Variants in PLPPR5 observed in about 807,000 individuals in gnomAD.
PLPPR5 encodes phospholipid phosphatase related 5, also known as phospholipid phosphatase-related protein type 5.
PLPPR5 carries 16 observed loss-of-function variants against 33.9 expected under a neutral mutation model. The ratio of observed to expected loss-of-function variants is 0.47; its 90% CI spans 0.32 to 0.72. PLPPR5 has a LOEUF of 0.72. PLPPR5 is among the 30% of genes least tolerant of loss of function. PLPPR5 has a pLI of 0.03. For missense variants in PLPPR5, 301 were observed against 406.7 expected (o/e 0.74, Z 2.23); for synonymous variants, 163 against 150.3 (o/e 1.08, Z -0.62).
chr1:98,994,195 G>T (rs1156516982), intron 1 of PLPPR5, among the ~76,000 whole-genome samples: 3 of 151,702 alleles, frequency 2.0e-5, no homozygotes, highest in African/African-American at 4.8e-5. Context: ...AGAGAGGGAG[G>T]GAGAAAGGAA....
At chr1:98,963,347 A>G (rs1288031746) in intron 1 of PLPPR5, among the ~76,000 whole-genome samples, 1 of 152,232 alleles carries the variant, frequency 6.6e-6, no homozygotes, top group African/African-American at 2.4e-5. Flanking sequence ...AAGTATCAGT[A>G]ACATCTGTGT....
intron 3 of PLPPR5, among the ~76,000 whole-genome samples, chr1:98,928,856 G>C (rs2101172568): frequency 6.6e-6 from 1 of 151,836 alleles, no homozygotes; most frequent in Non-Finnish European, 1.5e-5. Flanking sequence ...ATGGTAAACA[G>C]TGCAATAAAA....
chr1:98,922,175 A>C (rs1649581486), intron 3 of PLPPR5, 117 bp from the exon 4 acceptor site: 1 of 896,370 alleles, frequency 1.1e-6, no homozygotes, highest in East Asian at 2.9e-5. Flanking sequence ...GTATGATTCA[A>C]ATCATTAACT....
chr1:98,910,413 T>C (rs191222803), intron 5 of PLPPR5, among the ~76,000 whole-genome samples: 9 of 152,156 alleles, frequency 5.9e-5, no homozygotes, highest in Non-Finnish European at 1.0e-4. Flanking sequence ...GAAGTTTAAG[T>C]AGAATGAAGT....
intron 5 of PLPPR5, among the ~76,000 whole-genome samples, chr1:98,912,772 G>A (rs771248831): frequency 6.6e-6 from 1 of 152,120 alleles, no homozygotes; most frequent in Non-Finnish European, 1.5e-5. Flanking sequence ...TTGCTGTGAG[G>A]ACTGAAATTG....
chr1:98,893,694 A>C (rs180790020), intron 5 of PLPPR5, among the ~76,000 whole-genome samples: 1 of 149,352 alleles, frequency 6.7e-6, no homozygotes, highest in East Asian at 2.0e-4. Context: ...CTAACATTTA[A>C]ATAGATTCAG....
chr1:98,924,035 T>C (rs2101165423), intron 3 of PLPPR5, among the ~76,000 whole-genome samples: 1 of 152,352 alleles, frequency 6.6e-6, no homozygotes. Flanking sequence ...TGCATTTCTT[T>C]ACATCTGTTA....
intron 3 of PLPPR5, among the ~76,000 whole-genome samples, chr1:98,943,639 G>A (rs1368843949): frequency 9.9e-5 from 15 of 151,970 alleles, no homozygotes; most frequent in Admixed American, 9.8e-4. Context: ...ACTTATTAGG[G>A]GAATTTAATT....
At chr1:98,961,938 C>T (rs914399790) in intron 1 of PLPPR5, among the ~76,000 whole-genome samples, 1 of 152,142 alleles carries the variant, frequency 6.6e-6, no homozygotes, top group African/African-American at 2.4e-5. Flanking sequence ...TCCCCTAAAC[C>T]CCAGATGCAG....
At chr1:98,965,424 C>T (rs1166462201) in intron 1 of PLPPR5, among the ~76,000 whole-genome samples, 3 of 152,212 alleles carry the variant, frequency 2.0e-5, no homozygotes, top group Non-Finnish European at 4.4e-5. Flanking sequence ...CTGCTCCTTC[C>T]TAATGACGCA....
At chr1:98,929,543 A>G (rs1395360068) in intron 3 of PLPPR5, among the ~76,000 whole-genome samples, 1 of 152,200 alleles carries the variant, frequency 6.6e-6, no homozygotes, top group Non-Finnish European at 1.5e-5. Flanking sequence ...AATGTGATGT[A>G]AGTAACAACA....
At chr1:98,939,183 A>C (rs1650286679) in intron 3 of PLPPR5, among the ~76,000 whole-genome samples, 1 of 151,752 alleles carries the variant, frequency 6.6e-6, no homozygotes, top group African/African-American at 2.4e-5. Flanking sequence ...CATATATAGT[A>C]TATTTTAAAA....
At chr1:98,919,188 G>A (rs907580757) in intron 4 of PLPPR5, among the ~76,000 whole-genome samples, 2 of 152,156 alleles carry the variant, frequency 1.3e-5, no homozygotes, top group African/African-American at 2.4e-5. Context: ...AAGCAATAAT[G>A]TCTACAATTC....
intron 1 of PLPPR5, among the ~76,000 whole-genome samples, chr1:98,985,874 C>A (rs923639502): frequency 3.9e-5 from 6 of 151,978 alleles, no homozygotes; most frequent in African/African-American, 7.2e-5. Flanking sequence ...GACAAAATCA[C>A]CTAACAATAC....
intron 4 of PLPPR5, among the ~76,000 whole-genome samples, chr1:98,916,990 C>G (rs138051465): frequency 5.3e-4 from 81 of 152,212 alleles, no homozygotes; most frequent in African/African-American, 1.9e-3. Context: ...GAAGAGGTTG[C>G]AATAGATCAC....
At chr1:98,941,564 T>C (rs1178076595) in intron 3 of PLPPR5, among the ~76,000 whole-genome samples, 5 of 151,676 alleles carry the variant, frequency 3.3e-5, no homozygotes, top group Non-Finnish European at 5.9e-5. Context: ...GATTTTTTTT[T>C]TTTTGATAGT....
chr1:98,942,832 T>C (rs1466921814), intron 3 of PLPPR5, among the ~76,000 whole-genome samples: 1 of 152,166 alleles, frequency 6.6e-6, no homozygotes, highest in Non-Finnish European at 1.5e-5. Context: ...CATCAGAGTG[T>C]ACTGGTGAGA....
chr1:98,948,391 G>A (rs1650639855), intron 3 of PLPPR5, among the ~76,000 whole-genome samples: 1 of 152,226 alleles, frequency 6.6e-6, no homozygotes, highest in Middle Eastern at 3.4e-3. Flanking sequence ...GAGAGGGAAT[G>A]ATATTTTAGA....
intron 1 of PLPPR5, among the ~76,000 whole-genome samples, chr1:98,994,244 A>C (rs1366069125): frequency 1.3e-5 from 2 of 152,004 alleles, no homozygotes; most frequent in Middle Eastern, 3.4e-3. Context: ...AAAAAATGGA[A>C]GGAGGGAGGG....
Sources: allele counts gnomAD v4.1 joint callset (sites outside exome capture counted in the v4.1 genomes callset), GRCh38; gene constraint gnomAD v4.1.1; transcripts MANE v1.5; gene names NCBI Gene and HGNC (gene_info 2026-07-23, HGNC 2026-07-21).